Variants in MMP2 observed in about 807,000 individuals in gnomAD.
MMP2 encodes 72 kDa type IV collagenase.
Under a neutral mutation model 74.8 loss-of-function variants are expected in MMP2, and 39 were observed. The ratio of observed to expected loss-of-function variants is 0.52; its 90% CI spans 0.40 to 0.68. The LOEUF is 0.68. Ranked by LOEUF, MMP2 falls within the 30% of genes least tolerant of loss-of-function variation. The probability of loss-of-function intolerance (pLI) is 0.00; values close to 1 mark genes in which losing one functional copy is unlikely to be tolerated. For synonymous variants in MMP2, 367 were observed against 339.8 expected, an observed-to-expected ratio of 1.08 and a Z score of -0.88; for missense variants, 803 against 878.3, an observed-to-expected ratio of 0.91 and a Z score of 1.08.
chr16:55,501,685 C>T (rs758452120), intron 11 of MMP2, among the ~76,000 whole-genome samples: 1 of 152,000 alleles, frequency 6.6e-6, no homozygotes, highest in Non-Finnish European at 1.5e-5. Context: ...GGAGAAGTCT[C>T]CTCTAGAAGG....
chr16:55,483,917 A>T, intron 2 of MMP2, 99 bp from the exon 3 acceptor site: 1 of 1,324,520 alleles, frequency 7.5e-7, no homozygotes, highest in Non-Finnish European at 1.1e-6. Context: ...ACACACACAC[A>T]CTCAAACTTT....
chr16:55,504,107 G>A (rs767004286), intron 12 of MMP2, among the ~76,000 whole-genome samples: 3 of 152,134 alleles, frequency 2.0e-5, no homozygotes, highest in Admixed American at 6.5e-5. Flanking sequence ...GCAGTGAGCC[G>A]TGTTCATGCC....
chr16:55,502,964 A>G (rs1308225050), intron 12 of MMP2, 76 bp downstream of exon 12: 4 of 1,175,088 alleles, frequency 3.4e-6, no homozygotes, highest in African/African-American at 1.5e-5. Flanking sequence ...GCAAATACAC[A>G]CTTCTTTATT....
Position 55,498,453 on chromosome 16 carries a change from G to A in MMP2, c.1769+5G>A. 6.2e-7 allele frequency: 1 copy of A among 1,614,178 alleles called. No individual in the cohort carries two copies. The highest frequency in any genetic ancestry group is 8.5e-7 in the Non-Finnish European group (1 of 1,180,004). ...TGCTGGAGACAAATTCTGGAGGTAA[G>A]GGAGGGCGGTGGGTAGGACAGCAGC... On this transcript the variant is annotated splice_donor_5th_base_variant and intron_variant, in intron 11 of 12. Transcript: ENST00000219070.
chr16:55,489,084 C>A (rs1293457773), intron 6 of MMP2, among the ~76,000 whole-genome samples: 3 of 152,288 alleles, frequency 2.0e-5, no homozygotes, highest in South Asian at 4.1e-4. Context: ...TGGTCTGTAT[C>A]TCCACCTTTT....
rs1331906875 is a variant in MMP2, at chr16:55,491,872, G to T, written c.1252G>T (p.Gly418Trp). Residue 418 changes from glycine (G) to tryptophan (W), a missense_variant, in exon 8 of 13, where the codon GGG becomes TGG. Gly to Trp is a radical substitution (Grantham distance 184). Coordinates refer to ENST00000219070, the MANE Select transcript of MMP2 (RefSeq NM_004530.6). ...AMGLEHSQDP[G>W]ALMAPIYTYT... Reference sequence around the variant, plus strand: ...GGGGCTGGAGCACTCCCAAGACCCTGGGGCCCTGATGGCACCCATTTACAC... The same window carrying T: ...GGGGCTGGAGCACTCCCAAGACCCTTGGGCCCTGATGGCACCCATTTACAC... 1 of 1,614,174 alleles carries T rather than the reference G, an allele frequency of 6.2e-7. No individual in the cohort carries two copies.
chr16:55,485,213 G>T, intron 3 of MMP2, 86 bp from the exon 4 acceptor site: 1 of 1,592,558 alleles, frequency 6.3e-7, no homozygotes, highest in South Asian at 1.1e-5. Flanking sequence ...TGGGTGGGCT[G>T]ACAGGCTCCA....
At chr16:55,491,724 A>G (rs2142358564) in intron 7 of MMP2, 77 bp from the exon 8 acceptor site, 9 of 1,540,626 alleles carry the variant, frequency 5.8e-6, no homozygotes, top group Non-Finnish European at 8.1e-6. Context: ...AAAAGTCTGC[A>G]TCACTGGGTC....
rs768031015 is a variant in MMP2, at chr16:55,485,440, C to T, written c.658+13C>T. On this transcript the variant is annotated intron_variant, in intron 4 of 12. Transcript: ENST00000219070. ...GGAGAAGGCCAAGGTGAGAAAGGGG[C>T]CCTCTGCATGCCCCAGACCTTCTCT... 39 of 1,613,920 alleles carry T rather than the reference C, an allele frequency of 2.4e-5. No individual in the cohort carries two copies. Among genetic ancestry groups the T allele is most frequent in the Non-Finnish European group, 3.1e-5 (36 of 1,180,000 alleles).
At chr16:55,485,153 T>A (rs1962209340) in intron 3 of MMP2, 146 bp from the exon 4 acceptor site, 1 of 1,116,710 alleles carries the variant, frequency 9.0e-7, no homozygotes, top group Non-Finnish European at 1.4e-6. Flanking sequence ...ACTGAGCTCC[T>A]GTTGACAGTC....
chr16:55,485,036 G>A (rs1357558867), intron 3 of MMP2, among the ~76,000 whole-genome samples: 2 of 152,150 alleles, frequency 1.3e-5, no homozygotes, highest in East Asian at 3.9e-4. Flanking sequence ...TAGTGTCATG[G>A]TGGTAGAGTA....
chr16:55,503,686 G>A (rs1475819312), intron 12 of MMP2, among the ~76,000 whole-genome samples: 6 of 152,166 alleles, frequency 3.9e-5, no homozygotes, highest in African/African-American at 1.4e-4. Flanking sequence ...ATGAGATTAT[G>A]TATGTCAGGA....
chr16:55,496,492 T>C (rs903029137), intron 9 of MMP2, among the ~76,000 whole-genome samples: 8 of 152,228 alleles, frequency 5.3e-5, no homozygotes, highest in Non-Finnish European at 1.2e-4. Flanking sequence ...TAACTCTTAC[T>C]CTTGACAAAG....
chr16:55,486,342 T>TGTGTGC (rs1567375010), intron 5 of MMP2, among the ~76,000 whole-genome samples: 1 of 106,498 alleles, frequency 9.4e-6, no homozygotes, highest in African/African-American at 4.0e-5. Flanking sequence ...TGTGTGTGTG[T>TGTGTGC]GTGCCTGTGT....
intron 12 of MMP2, among the ~76,000 whole-genome samples, chr16:55,503,503 AT>A (rs59787590): frequency 0.029 from 4,195 of 145,708 alleles, 142 homozygotes; most frequent in African/African-American, 0.083. Context: ...AATTCCACAG[AT>A]TTTTTTTTTT....
chr16:55,492,175 T>A (rs1962426071), intron 8 of MMP2, among the ~76,000 whole-genome samples: 1 of 152,164 alleles, frequency 6.6e-6, no homozygotes, highest in African/African-American at 2.4e-5. Context: ...AATGCTAATA[T>A]CCATGTCACT....
chr16:55,504,189 A>G (rs1172243652), intron 12 of MMP2, among the ~76,000 whole-genome samples: 1 of 152,066 alleles, frequency 6.6e-6, no homozygotes, highest in African/African-American at 2.4e-5. Context: ...GTGTTGTTAG[A>G]TATTCTATAT....
intron 12 of MMP2, among the ~76,000 whole-genome samples, chr16:55,504,293 G>GACAAA (rs1480005499): frequency 6.6e-6 from 1 of 152,140 alleles, no homozygotes; most frequent in South Asian, 2.1e-4. Flanking sequence ...CAGATTTAAA[G>GACAAA]ACAAAACAAA....
At position 55,489,802 on chromosome 16, in the gene MMP2, G is replaced by C; in HGVS notation, c.1158G>C (p.Lys386Asn). 1 of 1,614,156 alleles carries C rather than the reference G, an allele frequency of 6.2e-7. No homozygotes were observed. Among genetic ancestry groups the C allele is most frequent in the Non-Finnish European group, 8.5e-7 (1 of 1,180,022 alleles). The stretch of plus-strand genomic sequence containing the variant: ...CAGCCAACTACGATGATGACCGCAA[G>C]TGGGGCTTCTGCCCTGACCAAGGTA... The part of the protein sequence containing the change: ...ATTANYDDDR[K>N]WGFCPDQGYS... The change falls in exon 7 of 13, where the codon AAG (lysine) becomes AAC (asparagine). Residue 386 changes from lysine (K) to asparagine (N), a missense_variant. Physicochemically the swap from Lys to Asn is moderately conservative, Grantham distance 94. Coordinates refer to ENST00000219070, the MANE Select transcript of MMP2 (RefSeq NM_004530.6).
Sources: allele counts gnomAD v4.1 joint callset (sites outside exome capture counted in the v4.1 genomes callset), GRCh38; gene constraint gnomAD v4.1.1; transcripts MANE v1.5; gene names NCBI Gene and HGNC (gene_info 2026-07-23, HGNC 2026-07-21).